Variants in AFG3L2 observed in about 807,000 individuals in gnomAD.
AFG3L2 encodes the protein AFG3 like matrix AAA peptidase subunit 2.
A neutral mutation model predicts 94.5 loss-of-function variants in AFG3L2; 54 were observed. The ratio of observed to expected loss-of-function variants is 0.57; its 90% confidence interval spans 0.46 to 0.72. AFG3L2 has a LOEUF of 0.72. Among genes scored for constraint, AFG3L2 ranks in the 30% least tolerant of loss-of-function variants. The probability of loss-of-function intolerance (pLI) is 0.00; values close to 1 mark genes in which losing one functional copy is unlikely to be tolerated. For missense variants in AFG3L2, 754 were observed against 994.9 expected (o/e 0.76, Z 3.26); for synonymous variants, 377 against 365.5 (o/e 1.03, Z -0.36).
In AFG3L2 at chr18:12,329,799, T is replaced by C. The variant is rs755881973; in HGVS notation, c.2176-16A>G. 8.2e-6 allele frequency: 13 copies of C among 1,593,990 alleles called. No individual in the cohort carries two copies. Among genetic ancestry groups the C allele is most frequent in the Non-Finnish European group, 1.1e-5 (13 of 1,161,792 alleles). Reference sequence around the variant, plus strand: ...GAAGAGCAACCTGAAATATGAACAATTTTCATTAAATACAGTTACTCAGCA... The same window carrying C: ...GAAGAGCAACCTGAAATATGAACAACTTTCATTAAATACAGTTACTCAGCA... On this transcript the variant is annotated splice_polypyrimidine_tract_variant and intron_variant, in intron 16 of 16. Coordinates refer to ENST00000269143, the MANE Select transcript of AFG3L2 (RefSeq NM_006796.3).
chr18:12,358,069 C>A (rs1193556789), intron 8 of AFG3L2, among the ~76,000 whole-genome samples: 1 of 152,128 alleles, frequency 6.6e-6, no homozygotes, highest in Admixed American at 6.5e-5. Flanking sequence ...TATTCATGGA[C>A]TTTTAAAAGA....
In AFG3L2 at chr18:12,367,730, C is replaced by A. The variant is rs116037947; in HGVS notation, c.293-348G>T. On this transcript the variant is annotated intron_variant, in intron 3 of 16. Transcript: ENST00000269143. ...GTGAATAAGTCACAGAGTTGGGATG[C>A]AAATTCCTCAGTCCCCACTCAAAGT... Among the ~76,000 whole-genome samples the A allele has an allele frequency of 4.4e-3, 674 of 152,294 alleles. 9 individuals carry two copies. The highest frequency in any genetic ancestry group is 0.016 in the African/African-American group (650 of 41,566).
At chr18:12,369,814 T>C (rs1908922303) in intron 3 of AFG3L2, among the ~76,000 whole-genome samples, 2 of 151,370 alleles carry the variant, frequency 1.3e-5, no homozygotes, top group South Asian at 2.1e-4. Context: ...CCCAGCACTT[T>C]GGGAGGCCGA....
chr18:12,359,878 CCACAGGCAG>C (rs749959196), intron 7 of AFG3L2, 40 bp downstream of exon 7: 225 of 1,609,650 alleles, frequency 1.4e-4, no homozygotes, highest in Non-Finnish European at 1.8e-4. Context: ...ACACAGTGAA[CCACAGGCAG>C]CACAGTCAAC....
Position 12,358,901 on chromosome 18 carries a change from G to A in AFG3L2, c.795C>T (p.Ala265=), listed in dbSNP as rs756326949. The change falls in exon 8 of 17, where the codon GCC becomes GCT. Residue 265 remains alanine (A), a synonymous_variant. Coordinates refer to ENST00000269143, the MANE Select transcript of AFG3L2 (RefSeq NM_006796.3). ...LSMLPTVLII[A]FLLYTIRRGP... is the part of the protein sequence containing the mutation. ...CTCTTCTGATGGTGTAGAGCAAGAAGGCGATGATGAGCACCGTAGGCAGCA... is the reference window on the plus strand; with the variant it reads ...CTCTTCTGATGGTGTAGAGCAAGAAAGCGATGATGAGCACCGTAGGCAGCA... 21 of 1,614,114 alleles carry A rather than the reference G, an allele frequency of 1.3e-5. No homozygotes were observed. Among genetic ancestry groups the A allele is most frequent in the Non-Finnish European group, 1.8e-5 (21 of 1,180,046 alleles).
At chr18:12,338,770 G>T (rs1050501101) in intron 15 of AFG3L2, among the ~76,000 whole-genome samples, 5 of 152,138 alleles carry the variant, frequency 3.3e-5, no homozygotes, top group Admixed American at 6.6e-5. Flanking sequence ...ATGAAAAGAC[G>T]TGTCAATATT....
At chr18:12,367,895 G>T (rs542254006) in intron 3 of AFG3L2, among the ~76,000 whole-genome samples, 1 of 152,164 alleles carries the variant, frequency 6.6e-6, no homozygotes, top group Admixed American at 6.5e-5. Flanking sequence ...CTGGCCGGGC[G>T]CGGTGGTTCA....
At chr18:12,346,117 C>T (rs1016130054) in intron 13 of AFG3L2, among the ~76,000 whole-genome samples, 17 of 152,312 alleles carry the variant, frequency 1.1e-4, no homozygotes, top group African/African-American at 4.1e-4. Context: ...CCTGTCCCCT[C>T]CAGCCTACAG....
chr18:12,337,261 A>T, intron 16 of AFG3L2, 80 bp downstream of exon 16: 1 of 1,318,594 alleles, frequency 7.6e-7, no homozygotes, highest in Non-Finnish European at 1.1e-6. Flanking sequence ...CAGTCTACAC[A>T]CCAACCAAAA....
chr18:12,362,995 T>C (rs1908707536), intron 6 of AFG3L2, among the ~76,000 whole-genome samples: 2 of 152,180 alleles, frequency 1.3e-5, no homozygotes, highest in South Asian at 4.1e-4. Flanking sequence ...GTAGAGGGAA[T>C]GGGAAATCAA....
chr18:12,338,316 C>A (rs371097501), intron 15 of AFG3L2, among the ~76,000 whole-genome samples: 77 of 152,300 alleles, frequency 5.1e-4, no homozygotes, highest in African/African-American at 1.7e-3. Flanking sequence ...GAACCCCCAG[C>A]TGCCAACAGG....
intron 1 of AFG3L2, among the ~76,000 whole-genome samples, chr18:12,375,399 G>A (rs1312868532): frequency 6.9e-6 from 1 of 145,856 alleles, no homozygotes; most frequent in African/African-American, 2.6e-5. Context: ...ATAAGTCACT[G>A]AGCCCAGGTA....
chr18:12,360,225 T>A, intron 6 of AFG3L2, 174 bp from the exon 7 acceptor site: 1 of 638,700 alleles, frequency 1.6e-6, no homozygotes, highest in South Asian at 2.1e-5. Context: ...TGTCACTCAT[T>A]GAGAACACTT....
At chr18:12,362,702 G>C (rs1241507822) in intron 6 of AFG3L2, among the ~76,000 whole-genome samples, 1 of 144,040 alleles carries the variant, frequency 6.9e-6, no homozygotes, top group African/African-American at 3.0e-5. Flanking sequence ...CAGGGAACAA[G>C]GATTCCCTGT....
In AFG3L2 at chr18:12,329,486, T is replaced by G. The variant is rs1016552957; in HGVS notation, c.*79A>C. 22 of 1,447,296 alleles carry G rather than the reference T, an allele frequency of 1.5e-5. No individual in the cohort carries two copies. Among genetic ancestry groups the G allele is most frequent in the Middle Eastern group, 2.4e-4 (1 of 4,212 alleles). The allele number at this position is 1,447,296 out of a possible 1,614,324, so 89.7% of individuals were successfully genotyped here. The stretch of plus-strand genomic sequence containing the variant: ...GGCTAAAATCAGCGCAGCATTCCCA[T>G]TCTTCTGAAAGCCACAGCTGAAATA... On this transcript the variant is annotated 3_prime_UTR_variant, in exon 17 of 17. Transcript: ENST00000269143.
intron 3 of AFG3L2, among the ~76,000 whole-genome samples, chr18:12,370,100 G>C (rs1357086147): frequency 6.7e-6 from 1 of 149,092 alleles, no homozygotes; most frequent in Non-Finnish European, 1.5e-5. Flanking sequence ...AGTCAAAATG[G>C]GCACAGGAGG....
At chr18:12,330,338 C>CAA (rs59713847) in intron 16 of AFG3L2, among the ~76,000 whole-genome samples, 2 of 149,224 alleles carry the variant, frequency 1.3e-5, no homozygotes, top group East Asian at 2.0e-4. Context: ...AACAAACAAA[C>CAA]AAAAAAAAAT....
intron 13 of AFG3L2, among the ~76,000 whole-genome samples, chr18:12,346,378 C>A (rs1908136139): frequency 6.6e-6 from 1 of 152,188 alleles, no homozygotes; most frequent in South Asian, 2.1e-4. Context: ...CACACGCATA[C>A]CCCTGCCCCG....
At chr18:12,330,961 T>C (rs1388539044) in intron 16 of AFG3L2, among the ~76,000 whole-genome samples, 2 of 152,186 alleles carry the variant, frequency 1.3e-5, no homozygotes, top group African/African-American at 4.8e-5. Flanking sequence ...GGACCATGCA[T>C]TGGACCACAC....
Sources: gnomAD v4.1 joint callset for allele counts (sites outside exome capture counted in the v4.1 genomes callset) on GRCh38, gnomAD v4.1.1 for gene constraint, MANE v1.5 for transcripts, NCBI Gene and HGNC (gene_info 2026-07-23, HGNC 2026-07-21) for gene names.